PCDH15: variants seen among roughly 807,000 people sequenced by gnomAD.
The protein encoded by PCDH15 is protocadherin-15.
PCDH15 carries 129 observed loss-of-function variants against 178.5 expected under a neutral mutation model. That is an observed-to-expected ratio of 0.72 (90% CI 0.63 to 0.84). The LOEUF (loss-of-function observed/expected upper bound fraction) is 0.84. Among genes scored for constraint, PCDH15 ranks in the 40% least tolerant of loss-of-function variants. PCDH15 has a pLI of 0.00. For synonymous variants in PCDH15, 800 were observed against 732.0 expected, an observed-to-expected ratio of 1.09 and a Z score of -1.50; for missense variants, 2,230 against 2,099.9, an observed-to-expected ratio of 1.06 and a Z score of -1.21.
chr10:55,293,747 C>A (rs187424481), intron 1 of PCDH15, among the ~76,000 whole-genome samples: 36 of 152,254 alleles, frequency 2.4e-4, no homozygotes, highest in African/African-American at 8.7e-4. Flanking sequence ...CATCTGTGAC[C>A]ACTTCAGCCT....
chr10:54,905,737 T>A (rs995792247), intron 2 of PCDH15, among the ~76,000 whole-genome samples: 8 of 152,098 alleles, frequency 5.3e-5, no homozygotes, highest in Admixed American at 4.6e-4. Context: ...AATAGTTCCA[T>A]ATGGACAAGA....
chr10:55,502,250 C>T (rs1589087163), intron 2 of PCDH15, among the ~76,000 whole-genome samples: 1 of 151,538 alleles, frequency 6.6e-6, no homozygotes, highest in Non-Finnish European at 1.5e-5. Context: ...CTCTTTATGC[C>T]GTGCCTACTA....
chr10:54,392,140 A>T (rs1430736653), intron 3 of PCDH15, among the ~76,000 whole-genome samples: 1 of 152,056 alleles, frequency 6.6e-6, no homozygotes, highest in African/African-American at 2.4e-5. Context: ...AGAATTGCAT[A>T]CACATTTGAA....
At chr10:55,077,478 T>A (rs1591884656) in intron 2 of PCDH15, among the ~76,000 whole-genome samples, 1 of 148,984 alleles carries the variant, frequency 6.7e-6, no homozygotes, top group East Asian at 2.0e-4. Context: ...CCTTCCTTCT[T>A]TCCTTTCCTT....
At chr10:54,968,817 C>T (rs1838860856) in intron 2 of PCDH15, among the ~76,000 whole-genome samples, 1 of 152,146 alleles carries the variant, frequency 6.6e-6, no homozygotes, top group Non-Finnish European at 1.5e-5. Flanking sequence ...TTTATTTTTT[C>T]TCTGTGTGTT....
intron 1 of PCDH15, among the ~76,000 whole-genome samples, chr10:54,673,432 T>C (rs1449676289): frequency 6.6e-6 from 1 of 152,086 alleles, no homozygotes; most frequent in East Asian, 1.9e-4. Context: ...AACATATAAC[T>C]TTTTTTTGTT....
chr10:55,557,005 A>G (rs2132094079), intron 2 of PCDH15, among the ~76,000 whole-genome samples: 1 of 152,246 alleles, frequency 6.6e-6, no homozygotes, highest in Non-Finnish European at 1.5e-5. Flanking sequence ...ATTGATTTTT[A>G]TGAGTTCTCT....
chr10:55,025,581 T>C (rs923215430), intron 2 of PCDH15, among the ~76,000 whole-genome samples: 3 of 152,142 alleles, frequency 2.0e-5, no homozygotes, highest in Admixed American at 6.5e-5. Flanking sequence ...AATAAATATT[T>C]ACTTCAAGAC....
At chr10:55,529,874 A>G (rs1310768903) in intron 2 of PCDH15, among the ~76,000 whole-genome samples, 6 of 149,646 alleles carry the variant, frequency 4.0e-5, no homozygotes, top group Non-Finnish European at 7.4e-5. Flanking sequence ...TGAGCTTTCA[A>G]TCATGGATAT....
intron 2 of PCDH15, among the ~76,000 whole-genome samples, chr10:55,092,205 C>A (rs764966537): frequency 7.9e-5 from 12 of 151,908 alleles, no homozygotes; most frequent in Admixed American, 1.3e-4. Flanking sequence ...TGGAAAATAT[C>A]AAAATCAGAT....
chr10:54,190,882 T>C (rs915725260), intron 11 of PCDH15, among the ~76,000 whole-genome samples: 4 of 152,228 alleles, frequency 2.6e-5, no homozygotes, highest in Non-Finnish European at 4.4e-5. Flanking sequence ...TAAATCCATC[T>C]TCTAATATAT....
chr10:54,796,222 T>TTATC (rs59479208), intron 1 of PCDH15, among the ~76,000 whole-genome samples: 12,316 of 125,036 alleles, frequency 0.098, 696 homozygotes, highest in East Asian at 0.12. Flanking sequence ...TCTTTCTACA[T>TTATC]TATCTATCTA....
chr10:55,547,782 A>C (rs1564448011), intron 2 of PCDH15, among the ~76,000 whole-genome samples: 1 of 151,838 alleles, frequency 6.6e-6, no homozygotes, highest in Non-Finnish European at 1.5e-5. Context: ...GCTCTCTTAA[A>C]ATGTTCACTC....
intron 2 of PCDH15, among the ~76,000 whole-genome samples, chr10:55,618,556 C>A (rs1017678762): frequency 6.6e-6 from 1 of 151,990 alleles, no homozygotes; most frequent in African/African-American, 2.4e-5. Context: ...TACTACTCTT[C>A]CCCAAAACAC....
chr10:54,083,355 C>A (rs77451788), intron 16 of PCDH15, among the ~76,000 whole-genome samples: 1 of 151,904 alleles, frequency 6.6e-6, no homozygotes, highest in Non-Finnish European at 1.5e-5. Flanking sequence ...TTTGTAATAC[C>A]GAAAGGTAGA....
chr10:55,626,752 T>A (rs555909991), intron 2 of PCDH15, among the ~76,000 whole-genome samples: 1 of 152,294 alleles, frequency 6.6e-6, no homozygotes, highest in Admixed American at 6.5e-5. Context: ...ATACAAAATC[T>A]TACCATGCTG....
At chr10:55,542,580 T>C in intron 2 of PCDH15, among the ~76,000 whole-genome samples, 1 of 149,842 alleles carries the variant, frequency 6.7e-6, no homozygotes, top group Admixed American at 6.7e-5. Flanking sequence ...TATACATATG[T>C]ATGTGTCTAT....
chr10:55,392,171 C>T (rs1217570756), intron 2 of PCDH15, among the ~76,000 whole-genome samples: 1 of 151,932 alleles, frequency 6.6e-6, no homozygotes, highest in African/African-American at 2.4e-5. Context: ...ACACAGATCA[C>T]CAAAATGAAT....
chr10:54,420,029 G>T (rs1955018967), intron 3 of PCDH15, among the ~76,000 whole-genome samples: 1 of 151,990 alleles, frequency 6.6e-6, no homozygotes, highest in Admixed American at 6.6e-5. Context: ...TTATAAAATA[G>T]AATTTCACAC....
Sources: allele counts gnomAD v4.1 joint callset (sites outside exome capture counted in the v4.1 genomes callset), GRCh38; gene constraint gnomAD v4.1.1; transcripts MANE v1.5; gene names NCBI Gene and HGNC (gene_info 2026-07-23, HGNC 2026-07-21).